The following DPY19L4 variants were observed in gnomAD, a reference collection of about 807,000 sequenced individuals.
The protein encoded by DPY19L4 is probable C-mannosyltransferase DPY19L4.
In DPY19L4, 97 loss-of-function variants were observed where a neutral mutation model predicts 102.8. The ratio of observed to expected loss-of-function variants is 0.94; its 90% CI spans 0.80 to 1.12. The LOEUF is 1.12. Among genes scored for constraint, DPY19L4 ranks in the 50% most tolerant of loss-of-function variants. The pLI, the probability that DPY19L4 is intolerant of heterozygous loss-of-function variation, is 0.00. For missense variants in DPY19L4, 815 were observed against 850.4 expected (o/e 0.96, Z 0.52); for synonymous variants, 252 against 283.1 (o/e 0.89, Z 1.10).
chr8:94,756,747 G>A (rs761484599), intron 7 of DPY19L4, among the ~76,000 whole-genome samples: 22 of 152,230 alleles, frequency 1.4e-4, no homozygotes, highest in Non-Finnish European at 2.2e-4. Context: ...TTTTAGGCCA[G>A]ACATGGTGGC....
intron 7 of DPY19L4, among the ~76,000 whole-genome samples, chr8:94,761,138 G>T (rs1437375966): frequency 1.3e-5 from 2 of 152,162 alleles, no homozygotes; most frequent in African/African-American, 4.8e-5. Context: ...AACATAAATT[G>T]TTAACCAAGT....
intron 7 of DPY19L4, among the ~76,000 whole-genome samples, chr8:94,760,645 A>G (rs895917244): frequency 6.6e-6 from 1 of 152,190 alleles, no homozygotes; most frequent in African/African-American, 2.4e-5. Flanking sequence ...CACAGTTCTT[A>G]TCTTAGGTTT....
At chr8:94,737,356 A>G (rs1811228457) in intron 3 of DPY19L4, among the ~76,000 whole-genome samples, 1 of 151,978 alleles carries the variant, frequency 6.6e-6, no homozygotes, top group Non-Finnish European at 1.5e-5. Context: ...TTCTATTTTT[A>G]GTAGAGACAG....
At chr8:94,764,717 A>ATATATTTTT (rs1298234292) in intron 8 of DPY19L4, among the ~76,000 whole-genome samples, 4 of 29,324 alleles carry the variant, frequency 1.4e-4, no homozygotes, top group South Asian at 2.3e-3. Context: ...ATATATATAT[A>ATATATTTTT]TTTTTTTTTT....
At chr8:94,734,860 A>G in intron 3 of DPY19L4, 106 bp downstream of exon 3, 4 of 1,449,782 alleles carry the variant, frequency 2.8e-6, no homozygotes, top group Non-Finnish European at 3.8e-6. Context: ...TATTAGGAAC[A>G]AAATGCTCCA....
In DPY19L4 at chr8:94,791,512, C is replaced by G. The variant is rs1308913944; in HGVS notation, c.*1602C>G. On this transcript the variant is annotated 3_prime_UTR_variant, in exon 19 of 19. Coordinates refer to ENST00000414645, the MANE Select transcript of DPY19L4 (RefSeq NM_181787.3). ...TGTACCTCAGGTTGACTCTGTACAT[C>G]TGAATAGTGAGTCACTAGTATTTTG... is the stretch of plus-strand genomic sequence containing the variant. 1 of 152,102 alleles carries G rather than the reference C, an allele frequency of 6.6e-6. No homozygotes were observed. Among genetic ancestry groups the G allele is most frequent in the African/African-American group, 2.4e-5 (1 of 41,426 alleles). 9.4% of individuals were successfully genotyped at this position (152,102 alleles called of 1,614,324 possible).
chr8:94,779,985 GT>G (rs200560674), intron 14 of DPY19L4, among the ~76,000 whole-genome samples: 7 of 151,072 alleles, frequency 4.6e-5, no homozygotes, highest in East Asian at 3.9e-4. Flanking sequence ...TTAATTCATT[GT>G]TTTTTTTGTT....
intron 18 of DPY19L4, among the ~76,000 whole-genome samples, chr8:94,789,466 T>C (rs770342010): frequency 2.0e-5 from 3 of 152,124 alleles, no homozygotes; most frequent in Non-Finnish European, 2.9e-5. Context: ...GCGATGATAA[T>C]GGATTATGGA....
chr8:94,732,293 T>G (rs1222704087), intron 2 of DPY19L4, among the ~76,000 whole-genome samples: 1 of 152,218 alleles, frequency 6.6e-6, no homozygotes, highest in Non-Finnish European at 1.5e-5. Flanking sequence ...TTTTAGGCCT[T>G]TAGTCCCTTA....
At position 94,768,451 on chromosome 8, in the gene DPY19L4, A is replaced by AT. The variant is rs1486956109; in HGVS notation, c.1239dup (p.Leu414SerfsTer29). The AT allele has an allele frequency of 6.2e-7, 1 of 1,609,394 alleles. No homozygotes were observed. The highest frequency in any genetic ancestry group is 1.7e-5 in the Admixed American group (1 of 59,090). ...GAATCCCTGCAGGCACCATCTCAAGATTTTTTTCTGCGATTGACACAGTCT... is the reference window on the plus strand; with the variant it reads ...GAATCCCTGCAGGCACCATCTCAAGATTTTTTTTCTGCGATTGACACAGTCT... On this transcript the variant is annotated frameshift_variant, in exon 12 of 19. Coordinates refer to ENST00000414645, the MANE Select transcript of DPY19L4 (RefSeq NM_181787.3). LOFTEE classifies it high-confidence loss of function.
Position 94,768,551 on chromosome 8 carries a change from T to G in DPY19L4, c.1332T>G (p.Ile444Met). ...LSMLQVIFRR[I>M]NGKSLKETVT... ...TGTTGCAAGTTATTTTTAGGAGGAT[T>G]AAGTAAGTACCTATGAGAATCAATC... Residue 444 changes from isoleucine to methionine, a missense_variant and splice_region_variant, in exon 12 of 19, where the codon ATT (isoleucine) becomes ATG (methionine). Physicochemically the swap from Ile to Met is conservative, Grantham distance 10. Transcript: ENST00000414645. 1 of 1,465,538 alleles carries G rather than the reference T, an allele frequency of 6.8e-7. No homozygotes were observed. Among genetic ancestry groups the G allele is most frequent in the Non-Finnish European group, 9.4e-7 (1 of 1,062,794 alleles). The allele number at this position is 1,465,538 out of a possible 1,614,324, so 90.8% of individuals were successfully genotyped here.
chr8:94,752,106 T>A (rs1811959607), intron 6 of DPY19L4, among the ~76,000 whole-genome samples: 1 of 152,186 alleles, frequency 6.6e-6, no homozygotes, highest in Non-Finnish European at 1.5e-5. Flanking sequence ...ATTTAACTTT[T>A]AAGATACTGC....
chr8:94,788,098 T>C, intron 18 of DPY19L4, 46 bp downstream of exon 18: 1 of 977,638 alleles, frequency 1.0e-6, no homozygotes, highest in Non-Finnish European at 1.3e-6. Flanking sequence ...TATATATATT[T>C]TTTTTTTAGA....
chr8:94,756,221 T>C lies in DPY19L4; in HGVS notation c.735+62T>C, dbSNP rs1054036870. ...TCTGATGTATTGCAAATGTGGCACA[T>C]AATAGCAAATAAATTTTAGTCCTAG... is the stretch of plus-strand genomic sequence containing the variant. On this transcript the variant is annotated intron_variant, in intron 7 of 18. Coordinates refer to ENST00000414645, the MANE Select transcript of DPY19L4 (RefSeq NM_181787.3). 10 of 1,568,056 alleles carry C rather than the reference T, an allele frequency of 6.4e-6. No individual in the cohort carries two copies. The African/African-American group carries it at 1.2e-4, about 19-fold the overall frequency.
At chr8:94,759,851 G>A (rs1380011906) in intron 7 of DPY19L4, among the ~76,000 whole-genome samples, 8 of 152,238 alleles carry the variant, frequency 5.3e-5, no homozygotes, top group African/African-American at 1.9e-4. Context: ...TCCCATTCTT[G>A]AGGCTAAGTT....
intron 7 of DPY19L4, among the ~76,000 whole-genome samples, 173 bp downstream of exon 7, chr8:94,756,332 G>A (rs1378356144): frequency 6.6e-6 from 1 of 152,136 alleles, no homozygotes; most frequent in South Asian, 2.1e-4. Context: ...CTGTTACTCT[G>A]TAATCTGATT....
At chr8:94,728,280 A>G (rs1282750081) in intron 2 of DPY19L4, among the ~76,000 whole-genome samples, 1 of 152,248 alleles carries the variant, frequency 6.6e-6, no homozygotes, top group Non-Finnish European at 1.5e-5. Context: ...CCCCACTCTC[A>G]GTATACACTG....
chr8:94,785,785 ATAGAGTTGCT>A (rs1772150605), intron 17 of DPY19L4, among the ~76,000 whole-genome samples: 1 of 152,210 alleles, frequency 6.6e-6, no homozygotes, highest in Admixed American at 6.5e-5. Context: ...CCTCCAAAAG[ATAGAGTTGCT>A]TAGGCAGAAT....
intron 2 of DPY19L4, among the ~76,000 whole-genome samples, chr8:94,731,005 A>C (rs1034977125): frequency 6.7e-6 from 1 of 149,338 alleles, no homozygotes; most frequent in African/African-American, 2.5e-5. Context: ...TCGGCCTCCC[A>C]AAGTGCTGGG....
Sources: gnomAD v4.1 joint callset for allele counts (sites outside exome capture counted in the v4.1 genomes callset) on GRCh38, gnomAD v4.1.1 for gene constraint, MANE v1.5 for transcripts, NCBI Gene and HGNC (gene_info 2026-07-23, HGNC 2026-07-21) for gene names.